The following RFX3 variants were observed in gnomAD, a reference collection of about 807,000 sequenced individuals.
RFX3 encodes regulatory factor X3.
A neutral mutation model predicts 98.6 loss-of-function variants in RFX3; 14 were observed. The observed-to-expected ratio is 0.14, with a 90% CI of 0.09 to 0.22. The LOEUF is 0.22. RFX3 is among the 10% of genes least tolerant of loss of function. The pLI is 1.00. For missense variants in RFX3, 639 were observed against 926.9 expected, an observed-to-expected ratio of 0.69 and a Z score of 4.03; for synonymous variants, 383 against 328.4, an observed-to-expected ratio of 1.17 and a Z score of -1.80.
At chr9:3,343,837 C>G (rs1563959106) in intron 3 of RFX3, among the ~76,000 whole-genome samples, 1 of 152,300 alleles carries the variant, frequency 6.6e-6, no homozygotes, top group East Asian at 1.9e-4. Flanking sequence ...CAGACCAGAT[C>G]AAAGCTAATT....
chr9:3,417,456 C>T (rs1400957872), intron 1 of RFX3, among the ~76,000 whole-genome samples: 1 of 151,934 alleles, frequency 6.6e-6, no homozygotes, highest in Non-Finnish European at 1.5e-5. Context: ...TTTTAAAGGA[C>T]TCAAATCTTA....
intron 9 of RFX3, 116 bp downstream of exon 9, chr9:3,275,384 T>A (rs537428486): frequency 3.5e-6 from 2 of 566,372 alleles, no homozygotes; most frequent in East Asian, 2.9e-5. Flanking sequence ...AAAGATACGC[T>A]CAAAAGAATT....
At chr9:3,511,045 T>C (rs1186606363) in intron 1 of RFX3, among the ~76,000 whole-genome samples, 1 of 152,042 alleles carries the variant, frequency 6.6e-6, no homozygotes, top group East Asian at 1.9e-4. Context: ...ACAGAAATAT[T>C]TTTAAAGACC....
At chr9:3,435,468 C>T (rs190925187) in intron 1 of RFX3, among the ~76,000 whole-genome samples, 55 of 152,062 alleles carry the variant, frequency 3.6e-4, no homozygotes, top group African/African-American at 1.1e-3. Context: ...GGCTCAGGAT[C>T]ATCAAGACAT....
At chr9:3,510,026 T>C (rs1817513610) in intron 1 of RFX3, among the ~76,000 whole-genome samples, 1 of 151,980 alleles carries the variant, frequency 6.6e-6, no homozygotes, top group Non-Finnish European at 1.5e-5. Flanking sequence ...TAATTATGTT[T>C]CTACTGAAAT....
chr9:3,422,875 T>C (rs138742035), intron 1 of RFX3, among the ~76,000 whole-genome samples: 2 of 152,168 alleles, frequency 1.3e-5, no homozygotes, highest in Non-Finnish European at 2.9e-5. Flanking sequence ...TACAGTAGGA[T>C]TGCCTATCTG....
chr9:3,411,157 T>C (rs976577832), intron 1 of RFX3, among the ~76,000 whole-genome samples: 1 of 152,242 alleles, frequency 6.6e-6, no homozygotes, highest in East Asian at 1.9e-4. Context: ...GACGGTGTTT[T>C]CTAAATAAAA....
At chr9:3,467,276 A>G (rs949956823) in intron 1 of RFX3, among the ~76,000 whole-genome samples, 25 of 145,798 alleles carry the variant, frequency 1.7e-4, no homozygotes, top group Admixed American at 7.6e-4. Flanking sequence ...ACATACATAC[A>G]TATATATACA....
intron 2 of RFX3, among the ~76,000 whole-genome samples, chr9:3,365,052 A>G (rs186342700): frequency 1.2e-3 from 176 of 152,294 alleles, no homozygotes; most frequent in African/African-American, 3.5e-3. Flanking sequence ...CTGTAATCCC[A>G]GCACTTCGGG....
intron 1 of RFX3, among the ~76,000 whole-genome samples, chr9:3,470,660 G>A (rs577288541): frequency 4.6e-5 from 7 of 152,086 alleles, no homozygotes; most frequent in Non-Finnish European, 8.8e-5. Context: ...CCCGATACTA[G>A]CTCCAGAGTT....
intron 2 of RFX3, among the ~76,000 whole-genome samples, chr9:3,361,245 T>A (rs1437327767): frequency 6.6e-6 from 1 of 151,820 alleles, no homozygotes; most frequent in African/African-American, 2.4e-5. Flanking sequence ...ACATCCAGAG[T>A]AGCAGCAGGG....
chr9:3,504,271 T>A (rs977159005), intron 1 of RFX3, among the ~76,000 whole-genome samples: 1 of 129,214 alleles, frequency 7.7e-6, no homozygotes, highest in Admixed American at 8.8e-5. Flanking sequence ...ATATACTATA[T>A]TGTATATAAC....
At chr9:3,241,271 T>C (rs1278062070) in intron 15 of RFX3, among the ~76,000 whole-genome samples, 2 of 151,450 alleles carry the variant, frequency 1.3e-5, no homozygotes, top group East Asian at 1.9e-4. Context: ...GTATCAATCA[T>C]GAAATCCAAG....
At chr9:3,252,278 A>G (rs1219451410) in intron 14 of RFX3, among the ~76,000 whole-genome samples, 1 of 152,242 alleles carries the variant, frequency 6.6e-6, no homozygotes, top group African/African-American at 2.4e-5. Context: ...TGGTTCAGAC[A>G]AGACAGACAA....
chr9:3,356,192 G>GGAAA (rs1835743730), intron 2 of RFX3, among the ~76,000 whole-genome samples: 1 of 143,370 alleles, frequency 7.0e-6, no homozygotes, highest in African/African-American at 2.7e-5. Flanking sequence ...AAGGAAGGAA[G>GGAAA]GAAGGAAAGA....
At chr9:3,388,468 G>C (rs930073259) in intron 2 of RFX3, among the ~76,000 whole-genome samples, 1 of 152,046 alleles carries the variant, frequency 6.6e-6, no homozygotes, top group South Asian at 2.1e-4. Flanking sequence ...ATGTGGAAAG[G>C]CTAAATGTGT....
At chr9:3,378,835 C>T (rs1025879726) in intron 2 of RFX3, among the ~76,000 whole-genome samples, 4 of 151,992 alleles carry the variant, frequency 2.6e-5, no homozygotes, top group Admixed American at 6.6e-5. Context: ...GGATTACAGG[C>T]GTGAACTACC....
At chr9:3,469,692 C>A (rs1848602725) in intron 1 of RFX3, among the ~76,000 whole-genome samples, 1 of 151,590 alleles carries the variant, frequency 6.6e-6, no homozygotes, top group African/African-American at 2.4e-5. Context: ...TTTTAGACAC[C>A]AATATAAATT....
chr9:3,509,876 G>A (rs1817496523), intron 1 of RFX3, among the ~76,000 whole-genome samples: 1 of 151,892 alleles, frequency 6.6e-6, no homozygotes, highest in Non-Finnish European at 1.5e-5. Context: ...TCCTAATTCT[G>A]ATGTTCTATG....
Sources: gnomAD v4.1 joint callset for allele counts (sites outside exome capture counted in the v4.1 genomes callset) on GRCh38, gnomAD v4.1.1 for gene constraint, MANE v1.5 for transcripts, NCBI Gene and HGNC (gene_info 2026-07-23, HGNC 2026-07-21) for gene names.